DEPTOR: variants seen among roughly 807,000 people sequenced by gnomAD.
DEPTOR encodes the protein DEP domain-containing mTOR-interacting protein.
DEPTOR carries 41 observed loss-of-function variants against 41.6 expected under a neutral mutation model. The ratio of observed to expected loss-of-function variants is 0.98; its 90% CI spans 0.77 to 1.28. The LOEUF is 1.28. DEPTOR is among the 50% of genes most tolerant of loss of function. The pLI is 0.00. For synonymous variants in DEPTOR, 195 were observed against 192.3 expected, an observed-to-expected ratio of 1.01 and a Z score of -0.12; for missense variants, 514 against 527.9, an observed-to-expected ratio of 0.97 and a Z score of 0.26.
In DEPTOR at chr8:119,935,891, G is replaced by T. The variant is rs369906600; in HGVS notation, c.425+5953G>T. Among the ~76,000 whole-genome samples, 11 of 151,690 alleles carry T rather than the reference G, an allele frequency of 7.3e-5. No individual in the cohort carries two copies. The East Asian group carries it at 1.2e-3, about 16-fold the overall frequency. ...GAAATGTATATTTTAAACTAACTTC[G>T]ATTTTATCTTCAAACTTAGAAGAGA... On this transcript the variant is annotated intron_variant, in intron 3 of 8. Coordinates refer to ENST00000286234, the MANE Select transcript of DEPTOR (RefSeq NM_022783.4).
chr8:120,042,541 C>T lies in DEPTOR; in HGVS notation c.1102-7035C>T, dbSNP rs537501911. 2.0e-5 allele frequency among the ~76,000 whole-genome samples: 3 copies of T among 152,044 alleles called. No homozygotes were observed. In the South Asian group the frequency reaches 6.2e-4, roughly 32 times the overall value. On this transcript the variant is annotated intron_variant, in intron 8 of 8. Coordinates refer to ENST00000286234, the MANE Select transcript of DEPTOR (RefSeq NM_022783.4). Reference sequence around the variant, plus strand: ...TTATTTTATTTTTTATTTTTGAGACCGAGTTTTGCTCTTGTTGCCCAGGCT... The same window carrying T: ...TTATTTTATTTTTTATTTTTGAGACTGAGTTTTGCTCTTGTTGCCCAGGCT...
At chr8:119,928,698 C>T in intron 2 of DEPTOR, 120 bp downstream of exon 2, 1 of 1,058,876 alleles carries the variant, frequency 9.4e-7, no homozygotes. Flanking sequence ...GTACCTCTCC[C>T]TGATTGCATT....
chr8:119,916,355 A>T (rs1043851064), intron 1 of DEPTOR, among the ~76,000 whole-genome samples: 8 of 147,906 alleles, frequency 5.4e-5, no homozygotes, highest in African/African-American at 1.0e-4. Flanking sequence ...CCCAGACCTC[A>T]AGTGATCCAC....
rs1827206623 is a variant in DEPTOR, at chr8:119,874,383, C to G, written c.122+415C>G. 4 of 212,432 alleles carry G rather than the reference C, an allele frequency of 1.9e-5. No individual in the cohort carries two copies. The South Asian group carries it at 3.0e-4, about 16-fold the overall frequency. The allele number at this position is 212,432 out of a possible 1,614,324, so 13.2% of individuals were successfully genotyped here. The stretch of plus-strand genomic sequence containing the variant: ...GGGTCCCGAGGCGACCCCAGCCCCT[C>G]TACTCCTTGATAAAAGGAGCAAGAC... On this transcript the variant is annotated intron_variant, in intron 1 of 8. Coordinates refer to ENST00000286234, the MANE Select transcript of DEPTOR (RefSeq NM_022783.4).
intron 8 of DEPTOR, among the ~76,000 whole-genome samples, chr8:120,020,316 A>G (rs981312490): frequency 1.9e-4 from 29 of 152,100 alleles, no homozygotes; most frequent in African/African-American, 7.0e-4. Context: ...CCTGACCTCA[A>G]GTGATCCACC....
Position 119,937,655 on chromosome 8 carries a change from AG to A in DEPTOR, c.425+7718del, listed in dbSNP as rs556102887. On this transcript the variant is annotated intron_variant, in intron 3 of 8. Transcript: ENST00000286234. ...GTCTGAGATTTTTACCCTACTTGCA[AG>A]CTCACAAGTTTGCTGCCACCATTTT... Among the ~76,000 whole-genome samples the A allele has an allele frequency of 6.6e-5, 10 of 152,294 alleles. No homozygotes were observed. The East Asian group carries it at 1.7e-3, about 26-fold the overall frequency.
chr8:119,976,943 A>T (rs1161727787), intron 4 of DEPTOR, among the ~76,000 whole-genome samples: 1 of 152,074 alleles, frequency 6.6e-6, no homozygotes, highest in Non-Finnish European at 1.5e-5. Context: ...ACTGCTATTA[A>T]CTCATTTAAT....
chr8:119,964,706 C>T (rs1276834157), intron 3 of DEPTOR, among the ~76,000 whole-genome samples: 1 of 151,942 alleles, frequency 6.6e-6, no homozygotes, highest in South Asian at 2.1e-4. Flanking sequence ...GTCTGCTAAT[C>T]GTAGAGTTTT....
At chr8:119,949,455 T>G (rs2129921082) in intron 3 of DEPTOR, among the ~76,000 whole-genome samples, 1 of 152,302 alleles carries the variant, frequency 6.6e-6, no homozygotes, top group African/African-American at 2.4e-5. Context: ...TGAGACTATT[T>G]TCTGAAGTGC....
At chr8:119,880,955 T>C (rs1480692320) in intron 1 of DEPTOR, among the ~76,000 whole-genome samples, 1 of 152,258 alleles carries the variant, frequency 6.6e-6, no homozygotes, top group Non-Finnish European at 1.5e-5. Flanking sequence ...CTTTTGCTCC[T>C]CTACCAAGAT....
At chr8:119,979,883 G>A (rs1828741078) in intron 4 of DEPTOR, among the ~76,000 whole-genome samples, 1 of 152,086 alleles carries the variant, frequency 6.6e-6, no homozygotes, top group Non-Finnish European at 1.5e-5. Context: ...GGAACAAAAT[G>A]TGCTTCCTCA....
chr8:120,047,976 A>G (rs914195573), intron 8 of DEPTOR, among the ~76,000 whole-genome samples: 13 of 151,596 alleles, frequency 8.6e-5, no homozygotes, highest in Admixed American at 3.3e-4. Flanking sequence ...AGCCTGGGAG[A>G]TGGAGGAGAT....
At chr8:120,027,998 G>T (rs1812824968) in intron 8 of DEPTOR, among the ~76,000 whole-genome samples, 1 of 152,122 alleles carries the variant, frequency 6.6e-6, no homozygotes, top group African/African-American at 2.4e-5. Flanking sequence ...CAGCCTACTG[G>T]CTCAGACCTC....
At chr8:119,995,366 A>C (rs986567765) in intron 4 of DEPTOR, among the ~76,000 whole-genome samples, 1 of 152,026 alleles carries the variant, frequency 6.6e-6, no homozygotes, top group Non-Finnish European at 1.5e-5. Context: ...CGAGTGGATC[A>C]CCTGAGGTCA....
Position 119,991,801 on chromosome 8 carries a change from G to GT in DEPTOR, c.605-9719dup, listed in dbSNP as rs1373601632. Among the ~76,000 whole-genome samples, 3 of 152,002 alleles carry GT rather than the reference G, an allele frequency of 2.0e-5. No individual in the cohort carries two copies. The East Asian group carries it at 5.8e-4, about 29-fold the overall frequency. ...CTATTGTAACTAATTCTTAAATAAG[G>GT]TTTTTCTACAAATGCATGATTAAAA... On this transcript the variant is annotated intron_variant, in intron 4 of 8. Transcript: ENST00000286234.
chr8:120,002,887 C>A (rs1291647448), intron 5 of DEPTOR, 90 bp from the exon 6 acceptor site: 23 of 1,421,502 alleles, frequency 1.6e-5, no homozygotes, highest in Non-Finnish European at 2.1e-5. Context: ...TTTCTCCTGG[C>A]CCCTCTGGAC....
chr8:119,945,657 C>T (rs1828261926), intron 3 of DEPTOR, among the ~76,000 whole-genome samples: 1 of 152,160 alleles, frequency 6.6e-6, no homozygotes, highest in Non-Finnish European at 1.5e-5. Context: ...ATGCCATGTT[C>T]AGCATGTTTT....
chr8:120,047,676 AG>A (rs1392813479), intron 8 of DEPTOR, among the ~76,000 whole-genome samples: 3 of 150,824 alleles, frequency 2.0e-5, no homozygotes, highest in Non-Finnish European at 4.4e-5. Context: ...TGTGCCTGGC[AG>A]ATTTTCTAAA....
chr8:119,877,123 T>C (rs573281058), intron 1 of DEPTOR, among the ~76,000 whole-genome samples: 50 of 152,324 alleles, frequency 3.3e-4, no homozygotes, highest in Admixed American at 1.6e-3. Context: ...TTTCCTCTTC[T>C]ACGAAATGTT....
Sources: gnomAD v4.1 joint callset for allele counts (sites outside exome capture counted in the v4.1 genomes callset) on GRCh38, gnomAD v4.1.1 for gene constraint, MANE v1.5 for transcripts, NCBI Gene and HGNC (gene_info 2026-07-23, HGNC 2026-07-21) for gene names.